HEATR6: variants seen among roughly 807,000 people sequenced by gnomAD.
HEATR6 encodes HEAT repeat-containing protein 6.
A neutral mutation model predicts 132.8 loss-of-function variants in HEATR6; 106 were observed. That is an observed-to-expected ratio of 0.80 (90% CI 0.68 to 0.94). The LOEUF (loss-of-function observed/expected upper bound fraction) is 0.94. Ranked by LOEUF, HEATR6 falls within the 40% of genes least tolerant of loss-of-function variation. The pLI is 0.00. For synonymous variants in HEATR6, 529 were observed against 537.8 expected (o/e 0.98, Z 0.23); for missense variants, 1,339 against 1,425.1 (o/e 0.94, Z 0.97).
chr17:60,069,905 C>T, intron 6 of HEATR6, 57 bp from the exon 7 acceptor site: 1 of 1,588,726 alleles, frequency 6.3e-7, no homozygotes, highest in Non-Finnish European at 8.6e-7. Context: ...AACCATTAAT[C>T]ATAAACCATT....
rs988135663 is a variant in HEATR6 at position 60,043,802 on chromosome 17, G to C, written c.3307C>G (p.Gln1103Glu). Reference sequence around the variant, plus strand: ...TTTAAAAACTGTAGAATATAGGACTGGACCATATTCCCACTCAGTTCAAGG... The same window carrying C: ...TTTAAAAACTGTAGAATATAGGACTCGACCATATTCCCACTCAGTTCAAGG... Reference protein sequence around the residue: ...ETLELSGNMVQSYILQFLKSG... With the variant: ...ETLELSGNMVESYILQFLKSG... The change falls in exon 20 of 20, where the codon CAG (glutamine) becomes GAG (glutamate). Residue 1103 changes from glutamine (Q) to glutamate (E), a missense_variant. Physicochemically the swap from Gln to Glu is conservative, Grantham distance 29. Coordinates refer to ENST00000184956, the MANE Select transcript of HEATR6 (RefSeq NM_022070.5). 4.3e-6 allele frequency: 7 copies of C among 1,614,184 alleles called. No homozygotes were observed. Among genetic ancestry groups the C allele is most frequent in the Non-Finnish European group, 5.9e-6 (7 of 1,180,036 alleles).
intron 9 of HEATR6, 68 bp downstream of exon 9, chr17:60,066,141 A>C: frequency 7.7e-7 from 1 of 1,301,134 alleles, no homozygotes; most frequent in Non-Finnish European, 1.1e-6. Context: ...AGGATAAGGC[A>C]GAGATAACAA....
chr17:60,060,700 T>G (rs547614144), intron 9 of HEATR6, among the ~76,000 whole-genome samples: 1 of 152,322 alleles, frequency 6.6e-6, no homozygotes, highest in East Asian at 1.9e-4. Flanking sequence ...GTATGTGTGT[T>G]CAATGTTAAC....
intron 2 of HEATR6, chr17:60,074,111 C>A (rs778031528): frequency 6.4e-6 from 8 of 1,248,758 alleles, no homozygotes; most frequent in Non-Finnish European, 8.0e-6. Flanking sequence ...TAAAGTAGAA[C>A]TTGATGAAGT....
chr17:60,066,088 G>A (rs758092018), intron 9 of HEATR6, 121 bp downstream of exon 9: 42 of 802,220 alleles, frequency 5.2e-5, no homozygotes, highest in African/African-American at 1.2e-4. Flanking sequence ...TGGTCAAGTC[G>A]GAACTTGGGT....
intron 9 of HEATR6, among the ~76,000 whole-genome samples, chr17:60,062,137 C>T (rs1323823688): frequency 6.6e-6 from 1 of 152,186 alleles, no homozygotes; most frequent in African/African-American, 2.4e-5. Context: ...CTCTGTTTAA[C>T]ATATCTTTGT....
At chr17:60,073,651 A>G in intron 3 of HEATR6, 95 bp downstream of exon 3, 3 of 1,200,598 alleles carry the variant, frequency 2.5e-6, no homozygotes, top group Non-Finnish European at 3.6e-6. Flanking sequence ...AAGAATTGCT[A>G]GAGATTAGTG....
At chr17:60,078,031 G>T (rs1003589355) in intron 1 of HEATR6, among the ~76,000 whole-genome samples, 2 of 152,196 alleles carry the variant, frequency 1.3e-5, no homozygotes, top group African/African-American at 4.8e-5. Context: ...TGGAGCTAAT[G>T]AATTTCATCT....
chr17:60,047,247 C>T (rs1326657213), intron 18 of HEATR6, 62 bp downstream of exon 18: 10 of 1,067,186 alleles, frequency 9.4e-6, no homozygotes, highest in African/African-American at 1.6e-5. Flanking sequence ...TGAACTACCA[C>T]ACTGCAGCTA....
intron 14 of HEATR6, among the ~76,000 whole-genome samples, chr17:60,054,986 T>TG (rs1324625892): frequency 1.3e-5 from 2 of 152,158 alleles, no homozygotes; most frequent in Non-Finnish European, 2.9e-5. Flanking sequence ...GTTTGGGTCA[T>TG]GGGGGTGGAT....
intron 11 of HEATR6, 56 bp from the exon 12 acceptor site, chr17:60,057,459 G>T: frequency 8.6e-7 from 1 of 1,165,722 alleles, no homozygotes; most frequent in Non-Finnish European, 1.2e-6. Flanking sequence ...TGTAAAGATG[G>T]TAGTTATCCC....
At chr17:60,049,492 C>T in intron 16 of HEATR6, 88 bp downstream of exon 16, 1 of 1,453,496 alleles carries the variant, frequency 6.9e-7, no homozygotes, top group East Asian at 2.3e-5. Context: ...TTTCCTTTAC[C>T]ATCCAATGCA....
chr17:60,069,825 AG>A lies in HEATR6; in HGVS notation c.824del (p.Pro275LeufsTer3). ...CCGTGGGCATCTCTATGTTTAGTCC[AG>A]GGAGTCCGTGAAACATGAATTTCTA... ...VLKKFMFHGL[P>X]GLNIEMPTVL... is the part of the protein sequence containing the mutation. On this transcript the variant is annotated frameshift_variant, in exon 7 of 20. Coordinates refer to ENST00000184956, the MANE Select transcript of HEATR6 (RefSeq NM_022070.5). LOFTEE classifies it high-confidence loss of function. 6.2e-7 allele frequency: 1 copy of A among 1,614,078 alleles called. No individual in the cohort carries two copies. Among genetic ancestry groups the A allele is most frequent in the Non-Finnish European group, 8.5e-7 (1 of 1,180,008 alleles).
chr17:60,043,571 T>C lies in HEATR6; in HGVS notation c.3538A>G (p.Asn1180Asp). The C allele has an allele frequency of 6.2e-7, 1 of 1,608,094 alleles. No individual in the cohort carries two copies. The highest frequency in any genetic ancestry group is 8.5e-7 in the Non-Finnish European group (1 of 1,175,422). The change falls in exon 20 of 20, where the codon AAT (asparagine) becomes GAT (aspartate). Residue 1180 changes from asparagine to aspartate, a missense_variant. By Grantham distance (23) the Asn-to-Asp change is conservative (BLOSUM62 1). Transcript: ENST00000184956. ...AAAGTATGGTGGGATCTTCACTGATTTGTTAACCCTGGGAGTGCCCCTTGT... is the reference window on the plus strand; with the variant it reads ...AAAGTATGGTGGGATCTTCACTGATCTGTTAACCCTGGGAGTGCCCCTTGT... ...GSQGALPGLT[N>D]Q
intron 14 of HEATR6, among the ~76,000 whole-genome samples, chr17:60,052,196 C>T (rs1906598814): frequency 6.6e-6 from 1 of 152,194 alleles, no homozygotes; most frequent in Non-Finnish European, 1.5e-5. Flanking sequence ...GTGAGCCACC[C>T]TGGAAGAGGA....
intron 14 of HEATR6, among the ~76,000 whole-genome samples, chr17:60,054,383 G>C (rs916222522): frequency 6.6e-6 from 1 of 152,194 alleles, no homozygotes. Context: ...CCTCTACTAG[G>C]GCAGTGCCAA....
rs140931974 is a variant in HEATR6 at position 60,059,488 on chromosome 17, C to A, written c.1657G>T (p.Asp553Tyr). 1.2e-6 allele frequency: 2 copies of A among 1,613,314 alleles called. No individual in the cohort carries two copies. Among genetic ancestry groups the A allele is most frequent in the African/African-American group, 2.7e-5 (2 of 74,900 alleles). The change falls in exon 11 of 20, where the codon GAT becomes TAT. Residue 553 changes from aspartate to tyrosine, a missense_variant. Coordinates refer to ENST00000184956, the MANE Select transcript of HEATR6 (RefSeq NM_022070.5). ...GTCAGCAGGCTGAGTTTTAGACGAT[C>A]ATAAGGTGCATTTGATACTAAATTT... ...LANLVSNAPY[D>Y]RLKLSLLTKV... is the part of the protein sequence containing the mutation.
intron 1 of HEATR6, among the ~76,000 whole-genome samples, chr17:60,078,432 A>G (rs1479808640): frequency 2.7e-5 from 4 of 149,074 alleles, no homozygotes; most frequent in African/African-American, 9.9e-5. Context: ...GGGCGGATGG[A>G]AAGTTGGTAT....
At chr17:60,073,077 T>C (rs2083277786) in intron 4 of HEATR6, 87 bp downstream of exon 4, 1 of 698,946 alleles carries the variant, frequency 1.4e-6, no homozygotes, top group South Asian at 1.8e-5. Context: ...AAGTTGGCTC[T>C]GGCTTCAGGC....
Sources: gnomAD v4.1 joint callset for allele counts (sites outside exome capture counted in the v4.1 genomes callset) on GRCh38, gnomAD v4.1.1 for gene constraint, MANE v1.5 for transcripts, NCBI Gene and HGNC (gene_info 2026-07-23, HGNC 2026-07-21) for gene names.